The following STARD9 variants were observed in gnomAD, a reference collection of about 807,000 sequenced individuals.
STARD9 encodes the protein stAR-related lipid transfer protein 9.
STARD9 carries 346 observed loss-of-function variants against 399.8 expected under a neutral mutation model. The ratio of observed to expected loss-of-function variants is 0.87; its 90% CI spans 0.79 to 0.95. The LOEUF is 0.95. STARD9 is among the 40% of genes least tolerant of loss of function. STARD9 has a pLI of 0.00. For missense variants in STARD9, 5,832 were observed against 5,667.5 expected (o/e 1.03, Z -0.93); for synonymous variants, 2,203 against 2,143.5 (o/e 1.03, Z -0.77).
Position 42,694,003 on chromosome 15 carries a change from T to G in STARD9, c.12425T>G (p.Phe4142Cys). Residue 4142 changes from phenylalanine (F) to cysteine (C), a missense_variant, in exon 23 of 33, where the codon TTT becomes TGT. By Grantham distance (205) the Phe-to-Cys change is radical. Transcript: ENST00000290607. ...SLRDLPVHNK[F>C]SNWCGVQKGS... is the part of the protein sequence containing the mutation. The stretch of plus-strand genomic sequence containing the variant: ...AGGGACCTCCCGGTGCATAACAAAT[T>G]TAGTAACTGGTGTGGGGTTCAGAAG... 1 of 1,518,282 alleles carries G rather than the reference T, an allele frequency of 6.6e-7. No homozygotes were observed. Among genetic ancestry groups the G allele is most frequent in the Non-Finnish European group, 8.8e-7 (1 of 1,136,634 alleles). The allele number at this position is 1,518,282 out of a possible 1,614,324, so 94.1% of individuals were successfully genotyped here. A position where few individuals can be genotyped will look rare whatever the true frequency, so the allele number is the denominator to read the frequency against.
chr15:42,606,012 G>C (rs1314110554), intron 3 of STARD9, among the ~76,000 whole-genome samples: 1 of 152,154 alleles, frequency 6.6e-6, no homozygotes. Flanking sequence ...ATGGAGTTTA[G>C]ATTCAATTTC....
chr15:42,599,956 GT>G (rs2058589548), intron 3 of STARD9, among the ~76,000 whole-genome samples: 1 of 152,172 alleles, frequency 6.6e-6, no homozygotes, highest in Non-Finnish European at 1.5e-5. Flanking sequence ...CATATCCAAA[GT>G]TTGTTTTGAA....
At position 42,718,489 on chromosome 15, in the gene STARD9, G is replaced by A; in HGVS notation, c.13817G>A (p.Cys4606Tyr). The change falls in exon 31 of 33, where the codon TGT (cysteine) becomes TAT (tyrosine). Residue 4606 changes from cysteine to tyrosine, a missense_variant. Around this residue, in one of 2 missense-constraint regions of STARD9, gnomAD observed 5,828 missense variants for 5,651.1 expected, o/e 1.03. Coordinates refer to ENST00000290607, the MANE Select transcript of STARD9 (RefSeq NM_020759.3). ...LCALKQPRDFCCVCVEAKEGH... is the reference protein window; with the variant it reads ...LCALKQPRDFYCVCVEAKEGH... The stretch of plus-strand genomic sequence containing the variant: ...GCACTGAAGCAGCCACGGGATTTCT[G>A]TTGTGTCTGCGTGGAAGCCAAAGAG... 6.5e-7 allele frequency: 1 copy of A among 1,537,238 alleles called. No individual in the cohort carries two copies.
At chr15:42,581,495 G>A in intron 1 of STARD9, 1 of 1,490,606 alleles carries the variant, frequency 6.7e-7, no homozygotes, top group Admixed American at 1.9e-5. Context: ...ACATGGCTGT[G>A]GACGCGGGCT....
intron 3 of STARD9, 92 bp downstream of exon 3, chr15:42,585,729 T>C: frequency 2.5e-6 from 2 of 803,172 alleles, no homozygotes; most frequent in Non-Finnish European, 4.0e-6. Flanking sequence ...GCAAGGTTAG[T>C]ATAGCACAGT....
intron 3 of STARD9, among the ~76,000 whole-genome samples, chr15:42,608,998 T>A (rs2058794375): frequency 6.6e-6 from 1 of 152,158 alleles, no homozygotes. Flanking sequence ...GCCTTAGATG[T>A]GTGAGATCCT....
intron 26 of STARD9, among the ~76,000 whole-genome samples, chr15:42,707,367 G>A (rs7182479): frequency 0.34 from 51,216 of 151,842 alleles, 12,105 homozygotes; most frequent in African/African-American, 0.67. Context: ...ACTGAGAAGA[G>A]TGGATAGGTA....
chr15:42,580,872 G>A (rs538602661), intron 1 of STARD9, among the ~76,000 whole-genome samples: 1 of 152,280 alleles, frequency 6.6e-6, no homozygotes, highest in Admixed American at 6.5e-5. Flanking sequence ...ACTGCTTAGC[G>A]CTACAGAAAT....
At chr15:42,626,384 CTCTTCCTCT>C (rs1282992847) in intron 3 of STARD9, among the ~76,000 whole-genome samples, 2 of 111,146 alleles carry the variant, frequency 1.8e-5, no homozygotes, top group Non-Finnish European at 3.6e-5. Context: ...CCTCTTCCTC[CTCTTCCTCT>C]TCCTCCTCCT....
Position 42,651,082 on chromosome 15 carries a change from A to G in STARD9, c.626A>G (p.Asn209Ser). The G allele has an allele frequency of 6.5e-7, 1 of 1,531,744 alleles. No individual in the cohort carries two copies. Among genetic ancestry groups the G allele is most frequent in the Non-Finnish European group, 8.8e-7 (1 of 1,142,562 alleles). 94.9% of individuals were successfully genotyped at this position (1,531,744 alleles called of 1,614,324 possible). The change falls in exon 8 of 33, where the codon AAC (asparagine) becomes AGC (serine). Residue 209 changes from asparagine to serine, a missense_variant. Transcript: ENST00000290607. ...VIQLLEEGIANRITAATHVHE... is the reference protein window; with the variant it reads ...VIQLLEEGIASRITAATHVHE... ...CAACTCTTGGAGGAGGGAATTGCAA[A>G]CAGGTAACAGGTTTGTTTGTTTCTG...
chr15:42,706,312 T>C (rs1349718027), intron 26 of STARD9, among the ~76,000 whole-genome samples: 1 of 152,214 alleles, frequency 6.6e-6, no homozygotes, highest in Non-Finnish European at 1.5e-5. Flanking sequence ...AATAGGTTTT[T>C]TCGTTCCTTT....
At chr15:42,668,744 G>A (rs1250030720) in intron 15 of STARD9, among the ~76,000 whole-genome samples, 1 of 152,188 alleles carries the variant, frequency 6.6e-6, no homozygotes, top group African/African-American at 2.4e-5. Flanking sequence ...TGGGAAAGAA[G>A]TGTGTAGGTC....
At chr15:42,711,135 A>G (rs2061210252) in intron 26 of STARD9, among the ~76,000 whole-genome samples, 1 of 147,056 alleles carries the variant, frequency 6.8e-6, no homozygotes, top group Non-Finnish European at 1.5e-5. Context: ...AAGCTACCAC[A>G]TAACTTTTTT....
intron 13 of STARD9, 97 bp from the exon 14 acceptor site, chr15:42,665,141 AGAGACTACTCCAAAG>A: frequency 1.3e-6 from 1 of 780,258 alleles, no homozygotes. Flanking sequence ...TGACTGCTGT[AGAGACTACTCCAAAG>A]GAGTAATCTA....
chr15:42,681,839 C>T (rs554806405), intron 21 of STARD9, among the ~76,000 whole-genome samples: 1 of 152,276 alleles, frequency 6.6e-6, no homozygotes, highest in Non-Finnish European at 1.5e-5. Flanking sequence ...GGACCTCCTA[C>T]TTACTGCTCC....
At chr15:42,619,397 A>C (rs1217239309) in intron 3 of STARD9, among the ~76,000 whole-genome samples, 1 of 152,010 alleles carries the variant, frequency 6.6e-6, no homozygotes, top group Non-Finnish European at 1.5e-5. Flanking sequence ...AGACATCTCT[A>C]CAAAAAATTA....
At chr15:42,705,828 C>G (rs1422306407) in intron 26 of STARD9, among the ~76,000 whole-genome samples, 1 of 152,142 alleles carries the variant, frequency 6.6e-6, no homozygotes, top group African/African-American at 2.4e-5. Context: ...TCTCAGCTTA[C>G]TGCAACCTCC....
chr15:42,665,331 G>A lies in STARD9; in HGVS notation c.1254+1G>A. On this transcript the variant is annotated splice_donor_variant, in intron 14 of 32. Coordinates refer to ENST00000290607, the MANE Select transcript of STARD9 (RefSeq NM_020759.3). LOFTEE classifies it high-confidence loss of function. ...AGCCCTGCTGCTGAGCTTTGAACTG[G>A]TATGCAGACAGTCAGAACCTTTCCG... The A allele has an allele frequency of 4.6e-6, 7 of 1,536,326 alleles. No individual in the cohort carries two copies. The highest frequency in any genetic ancestry group is 6.1e-6 in the Non-Finnish European group (7 of 1,146,114).
intron 3 of STARD9, among the ~76,000 whole-genome samples, chr15:42,591,970 T>A (rs1466771494): frequency 6.6e-6 from 1 of 152,246 alleles, no homozygotes; most frequent in East Asian, 1.9e-4. Context: ...TGCCAGTAAG[T>A]GGTGGAGCAA....
Sources: gnomAD v4.1 joint callset for allele counts (sites outside exome capture counted in the v4.1 genomes callset) on GRCh38, gnomAD v4.1.1 for gene constraint, gnomAD v4.1.1 regional missense constraint, MANE v1.5 for transcripts, NCBI Gene and HGNC (gene_info 2026-07-23, HGNC 2026-07-21) for gene names.